The following PAG1 variants were observed in gnomAD, a reference collection of about 807,000 sequenced individuals.
PAG1 encodes phosphoprotein membrane anchor with glycosphingolipid microdomains 1, also known as phosphoprotein associated with glycosphingolipid-enriched microdomains 1.
PAG1 carries 23 observed loss-of-function variants against 31.7 expected under a neutral mutation model. The observed-to-expected ratio is 0.73, with a 90% confidence interval of 0.52 to 1.03. The LOEUF (loss-of-function observed/expected upper bound fraction) is 1.03. Among genes scored for constraint, PAG1 ranks in the 50% least tolerant of loss-of-function variants. The pLI is 0.00. For synonymous variants in PAG1, 214 were observed against 210.3 expected (o/e 1.02, Z -0.15); for missense variants, 473 against 540.7 (o/e 0.87, Z 1.24).
chr8:81,040,848 C>T (rs1457136344), intron 2 of PAG1: 4 of 151,926 alleles, frequency 2.6e-5, no homozygotes, highest in Non-Finnish European at 4.4e-5. Flanking sequence ...ATGGGCTCAC[C>T]TGGTTGATCA....
In PAG1 at chr8:81,079,486, G is replaced by A. The variant is rs544133589; in HGVS notation, c.-233-9316C>T. 7.9e-5 allele frequency among the ~76,000 whole-genome samples: 12 copies of A among 152,192 alleles called. No individual in the cohort carries two copies. In the East Asian group the frequency reaches 1.2e-3, roughly 15 times the overall value. On this transcript the variant is annotated intron_variant, in intron 1 of 8. Coordinates refer to ENST00000220597, the MANE Select transcript of PAG1 (RefSeq NM_018440.4). ...AGAATGTGCTAGGCATTACAAAGGC[G>A]ATCAACAGGAATAACTTATTAACCC...
intron 3 of PAG1, among the ~76,000 whole-genome samples, chr8:81,023,363 A>G (rs79580815): frequency 0.01 from 1,584 of 152,300 alleles, 26 homozygotes; most frequent in African/African-American, 0.036. Context: ...ATTTCAAGCT[A>G]CAATTAATAT....
At chr8:81,026,587 G>A (rs1006208017) in intron 3 of PAG1, among the ~76,000 whole-genome samples, 1 of 151,834 alleles carries the variant, frequency 6.6e-6, no homozygotes. Context: ...CTGGCGAACT[G>A]TGGTCACAGG....
At chr8:81,010,339 G>T (rs944410105) in intron 3 of PAG1, among the ~76,000 whole-genome samples, 2 of 152,042 alleles carry the variant, frequency 1.3e-5, no homozygotes, top group Non-Finnish European at 2.9e-5. Context: ...TAGAAGATAG[G>T]GATTTTGAGC....
At chr8:81,103,525 A>G (rs1415197667) in intron 1 of PAG1, among the ~76,000 whole-genome samples, 1 of 152,218 alleles carries the variant, frequency 6.6e-6, no homozygotes, top group Non-Finnish European at 1.5e-5. Context: ...CAAACGTTTG[A>G]GGACTGAAAG....
intron 1 of PAG1, among the ~76,000 whole-genome samples, chr8:81,078,270 T>C (rs1362012958): frequency 2.0e-5 from 3 of 152,210 alleles, no homozygotes; most frequent in Admixed American, 1.3e-4. Flanking sequence ...TGTAGACAAA[T>C]ATCTAAAAAG....
At chr8:81,107,185 T>C (rs1809706109) in intron 1 of PAG1, among the ~76,000 whole-genome samples, 1 of 152,200 alleles carries the variant, frequency 6.6e-6, no homozygotes, top group Admixed American at 6.5e-5. Context: ...TTTTCTTTTT[T>C]GAGCTCATTG....
chr8:81,111,130 G>T (rs1809766654), intron 1 of PAG1, among the ~76,000 whole-genome samples: 1 of 152,206 alleles, frequency 6.6e-6, no homozygotes, highest in Non-Finnish European at 1.5e-5. Context: ...ATTATGAAAA[G>T]GTTGGCAACT....
chr8:81,011,552 G>A (rs957295407), intron 3 of PAG1, among the ~76,000 whole-genome samples: 2 of 152,028 alleles, frequency 1.3e-5, no homozygotes, highest in Non-Finnish European at 2.9e-5. Context: ...GCATGAAAAC[G>A]GACTAATACA....
At chr8:81,007,896 A>C (rs1204887708) in intron 3 of PAG1, among the ~76,000 whole-genome samples, 2 of 152,182 alleles carry the variant, frequency 1.3e-5, no homozygotes, top group East Asian at 3.8e-4. Flanking sequence ...CGGGGGAATC[A>C]CTGTGTGCTT....
intron 3 of PAG1, among the ~76,000 whole-genome samples, chr8:81,002,826 T>C (rs987638245): frequency 6.6e-6 from 1 of 152,228 alleles, no homozygotes; most frequent in Admixed American, 6.5e-5. Context: ...CTGGTGTTAT[T>C]GTGAATTACT....
chr8:80,973,977 C>T lies in PAG1; in HGVS notation c.*2567G>A, dbSNP rs1241272081. The T allele has an allele frequency of 1.3e-5, 2 of 152,086 alleles. No individual in the cohort carries two copies. The highest frequency in any genetic ancestry group is 2.9e-5 in the Non-Finnish European group (2 of 68,040). 9.4% of individuals were successfully genotyped at this position (152,086 alleles called of 1,614,324 possible). The stretch of plus-strand genomic sequence containing the variant: ...GGGCCTTATAGTTCCTTTAAAAGTA[C>T]ACTGAAAATACTTTATATCACAGCT... On this transcript the variant is annotated 3_prime_UTR_variant, in exon 9 of 9. Transcript: ENST00000220597.
chr8:81,015,736 T>C (rs1479859500), intron 3 of PAG1, among the ~76,000 whole-genome samples: 1 of 152,256 alleles, frequency 6.6e-6, no homozygotes, highest in East Asian at 1.9e-4. Flanking sequence ...ACAGGATTGT[T>C]GTGAGCTATA....
intron 1 of PAG1, among the ~76,000 whole-genome samples, chr8:81,075,713 C>T (rs186367861): frequency 2.0e-3 from 312 of 152,292 alleles, no homozygotes; most frequent in African/African-American, 6.6e-3. Context: ...AACCCAAGTG[C>T]ACCTGATTCC....
intron 1 of PAG1, among the ~76,000 whole-genome samples, chr8:81,094,066 C>T (rs1050176196): frequency 3.7e-4 from 57 of 152,148 alleles, no homozygotes; most frequent in Admixed American, 1.1e-3. Flanking sequence ...GGGCTCACTG[C>T]GGTTCTCCCC....
At chr8:80,999,578 G>C (rs945921544) in intron 3 of PAG1, among the ~76,000 whole-genome samples, 1 of 152,154 alleles carries the variant, frequency 6.6e-6, no homozygotes, top group Non-Finnish European at 1.5e-5. Flanking sequence ...CATCCTAAAA[G>C]CAAGTTATAA....
rs1226123661 is a variant in PAG1, at chr8:80,969,529, A to ACAAAC, written c.*7010_*7014dup. 2 of 152,234 alleles carry ACAAAC rather than the reference A, an allele frequency of 1.3e-5. No individual in the cohort carries two copies. Among genetic ancestry groups the ACAAAC allele is most frequent in the Non-Finnish European group, 2.9e-5 (2 of 68,042 alleles). 9.4% of individuals were successfully genotyped at this position (152,234 alleles called of 1,614,324 possible). ...TGGTTTCCAACTTGTTGAGTTAAAAACAAACCAAACCAAACCAGGACATGA... is the reference window on the plus strand; with the variant it reads ...TGGTTTCCAACTTGTTGAGTTAAAAACAAACCAAACCAAACCAAACCAGGACATGA... On this transcript the variant is annotated 3_prime_UTR_variant, in exon 9 of 9. Coordinates refer to ENST00000220597, the MANE Select transcript of PAG1 (RefSeq NM_018440.4).
chr8:80,996,267 C>T (rs909017598), intron 3 of PAG1, among the ~76,000 whole-genome samples: 4 of 152,190 alleles, frequency 2.6e-5, no homozygotes, highest in Non-Finnish European at 5.9e-5. Context: ...CTTTAGGGGC[C>T]TGGCAGAGTG....
At chr8:81,006,413 G>C (rs1807878030) in intron 3 of PAG1, among the ~76,000 whole-genome samples, 1 of 152,098 alleles carries the variant, frequency 6.6e-6, no homozygotes, top group Non-Finnish European at 1.5e-5. Context: ...ACCTCTTCCT[G>C]GTCCCTTTCC....
Sources: gnomAD v4.1 joint callset for allele counts (sites outside exome capture counted in the v4.1 genomes callset) on GRCh38, gnomAD v4.1.1 for gene constraint, MANE v1.5 for transcripts, NCBI Gene and HGNC (gene_info 2026-07-23, HGNC 2026-07-21) for gene names.